GRXCR1: variants seen among roughly 807,000 people sequenced by gnomAD.
The protein encoded by GRXCR1 is glutaredoxin domain-containing cysteine-rich protein 1.
A neutral mutation model predicts 27.3 loss-of-function variants in GRXCR1; 27 were observed. The observed-to-expected ratio is 0.99, with a 90% CI of 0.73 to 1.37. The LOEUF is 1.37. Ranked by LOEUF, GRXCR1 falls within the 40% of genes most tolerant of loss-of-function variation. GRXCR1 has a pLI of 0.00. For missense variants in GRXCR1, 379 were observed against 354.4 expected (o/e 1.07, Z -0.56); for synonymous variants, 122 against 131.1 (o/e 0.93, Z 0.47).
intron 3 of GRXCR1, among the ~76,000 whole-genome samples, chr4:43,026,045 G>T (rs1713249750): frequency 7.6e-6 from 1 of 131,922 alleles, no homozygotes; most frequent in South Asian, 2.2e-4. Context: ...AGCCTGTTTT[G>T]TTACTAGTTG....
At chr4:42,932,603 TATATATATATATATATAGAG>T (rs1213858034) in intron 1 of GRXCR1, among the ~76,000 whole-genome samples, 130 of 59,256 alleles carry the variant, frequency 2.2e-3, no homozygotes, top group Middle Eastern at 0.01. Flanking sequence ...TATATATATA[TATATATATATATATATAGAG>T]AGAGAGAGAG....
chr4:42,966,169 T>C (rs1371271726), intron 2 of GRXCR1, among the ~76,000 whole-genome samples: 1 of 149,246 alleles, frequency 6.7e-6, no homozygotes, highest in African/African-American at 2.6e-5. Flanking sequence ...GCATCAGAAA[T>C]TTTTTTTTAC....
intron 1 of GRXCR1, among the ~76,000 whole-genome samples, chr4:42,925,962 A>G (rs1017694817): frequency 6.6e-6 from 1 of 152,036 alleles, no homozygotes; most frequent in Non-Finnish European, 1.5e-5. Flanking sequence ...TTAATGACTT[A>G]TTAAATACTG....
chr4:42,977,125 T>C lies in GRXCR1; in HGVS notation c.627+13991T>C, dbSNP rs182033908. ...ACATAATGTTCTCCAGATTCATCCA[T>C]GTTGTAACAGATGAGAAGATTTTCT... On this transcript the variant is annotated intron_variant, in intron 2 of 3. Coordinates refer to ENST00000399770, the MANE Select transcript of GRXCR1 (RefSeq NM_001080476.3). Among the ~76,000 whole-genome samples, 34 of 152,192 alleles carry C rather than the reference T, an allele frequency of 2.2e-4. 1 individual carries two copies. The East Asian group carries it at 6.0e-3, about 27-fold the overall frequency.
intron 2 of GRXCR1, among the ~76,000 whole-genome samples, chr4:42,996,757 T>C (rs977088723): frequency 5.3e-5 from 8 of 152,034 alleles, no homozygotes; most frequent in African/African-American, 1.9e-4. Flanking sequence ...ATTCCATCTA[T>C]AAAGGAAGAT....
intron 1 of GRXCR1, among the ~76,000 whole-genome samples, chr4:42,952,604 GAT>G (rs1747911033): frequency 6.6e-6 from 1 of 152,092 alleles, no homozygotes; most frequent in South Asian, 2.1e-4. Flanking sequence ...TGCTTTCTGA[GAT>G]ATACCCTATA....
chr4:42,961,698 A>G (rs1436112304), intron 1 of GRXCR1, among the ~76,000 whole-genome samples: 1 of 151,960 alleles, frequency 6.6e-6, no homozygotes, highest in African/African-American at 2.4e-5. Flanking sequence ...ATTACATTTT[A>G]TCATCAGAAA....
Position 42,935,944 on chromosome 4 carries a change from T to C in GRXCR1, c.385-26948T>C, listed in dbSNP as rs530474476. Reference sequence around the variant, plus strand: ...AACACTGCTTTTTAAAAGGGGGGAATGTAATATTTCATTAAAGAACTCCCA... The same window carrying C: ...AACACTGCTTTTTAAAAGGGGGGAACGTAATATTTCATTAAAGAACTCCCA... On this transcript the variant is annotated intron_variant, in intron 1 of 3. Coordinates refer to ENST00000399770, the MANE Select transcript of GRXCR1 (RefSeq NM_001080476.3). Among the ~76,000 whole-genome samples the C allele has an allele frequency of 4.6e-5, 7 of 151,888 alleles. No homozygotes were observed. The East Asian group carries it at 1.2e-3, about 25-fold the overall frequency.
At chr4:42,993,456 A>T (rs1712039117) in intron 2 of GRXCR1, among the ~76,000 whole-genome samples, 1 of 152,090 alleles carries the variant, frequency 6.6e-6, no homozygotes, top group Non-Finnish European at 1.5e-5. Context: ...GAATGGGGTT[A>T]TGTCTCGGTA....
At chr4:43,024,822 A>T (rs2109809515) in intron 3 of GRXCR1, among the ~76,000 whole-genome samples, 1 of 152,312 alleles carries the variant, frequency 6.6e-6, no homozygotes, top group East Asian at 1.9e-4. Context: ...GACCAAGATG[A>T]ATCATCCAGA....
At chr4:42,975,079 A>G (rs1365325219) in intron 2 of GRXCR1, among the ~76,000 whole-genome samples, 1 of 152,150 alleles carries the variant, frequency 6.6e-6, no homozygotes, top group Non-Finnish European at 1.5e-5. Flanking sequence ...CAAGGGACTT[A>G]GAGCCAAAAG....
At chr4:42,953,003 T>C (rs1017809771) in intron 1 of GRXCR1, among the ~76,000 whole-genome samples, 3 of 152,282 alleles carry the variant, frequency 2.0e-5, no homozygotes, top group South Asian at 2.1e-4. Flanking sequence ...ACATGTTCTT[T>C]TTATTGTAAA....
rs10000073 is a variant in GRXCR1 at position 43,020,205 on chromosome 4, T to C, written c.628-149T>C. The C allele has an allele frequency of 0.026, 17,502 of 674,966 alleles. 1,641 individuals carry two copies. Among genetic ancestry groups the C allele is most frequent in the African/African-American group, 0.23 (13,026 of 55,598 alleles). The allele number at this position is 674,966 out of a possible 1,614,324, so 41.8% of individuals were successfully genotyped here. ...GTGGCAGTAAGGAAAAATGTCTTCT[T>C]CTCTTTGGCATCCTAGTTGTACATT... On this transcript the variant is annotated intron_variant, in intron 2 of 3. Coordinates refer to ENST00000399770, the MANE Select transcript of GRXCR1 (RefSeq NM_001080476.3).
chr4:42,944,534 A>G (rs959176501), intron 1 of GRXCR1, among the ~76,000 whole-genome samples: 1 of 152,058 alleles, frequency 6.6e-6, no homozygotes, highest in African/African-American at 2.4e-5. Flanking sequence ...ATTTTCTTTG[A>G]TCCTCATAAG....
At chr4:43,024,740 G>A (rs1713201277) in intron 3 of GRXCR1, among the ~76,000 whole-genome samples, 1 of 152,188 alleles carries the variant, frequency 6.6e-6, no homozygotes, top group African/African-American at 2.4e-5. Flanking sequence ...TGGTCAGGCA[G>A]AGGGGTGTTT....
In GRXCR1 at chr4:42,995,330, A is replaced by G. The variant is rs562665140; in HGVS notation, c.628-25024A>G. On this transcript the variant is annotated intron_variant, in intron 2 of 3. Transcript: ENST00000399770. ...CATTTTGGTATTCCTGCTTTGGAAA[A>G]TTTGCCATGCACCTTTTACTATAAA... Among the ~76,000 whole-genome samples, 378 of 152,284 alleles carry G rather than the reference A, an allele frequency of 2.5e-3. 1 individual carries two copies. The highest frequency in any genetic ancestry group is 8.7e-3 in the African/African-American group (362 of 41,568).
chr4:42,952,876 A>G (rs1421443729), intron 1 of GRXCR1, among the ~76,000 whole-genome samples: 2 of 152,184 alleles, frequency 1.3e-5, no homozygotes, highest in African/African-American at 4.8e-5. Context: ...AAATTCAGAC[A>G]TAATTTGACC....
chr4:42,913,977 T>A (rs551126764), intron 1 of GRXCR1, among the ~76,000 whole-genome samples: 1 of 152,274 alleles, frequency 6.6e-6, no homozygotes, highest in Admixed American at 6.5e-5. Context: ...CATCAAGAAT[T>A]GAGGTTTGGG....
intron 2 of GRXCR1, among the ~76,000 whole-genome samples, chr4:42,993,378 C>A (rs1482381103): frequency 6.6e-6 from 1 of 151,976 alleles, no homozygotes; most frequent in Admixed American, 6.6e-5. Context: ...AGAATTTTCG[C>A]TTTAGCCTCT....
Sources: gnomAD v4.1 joint callset for allele counts (sites outside exome capture counted in the v4.1 genomes callset) on GRCh38, gnomAD v4.1.1 for gene constraint, MANE v1.5 for transcripts, NCBI Gene and HGNC (gene_info 2026-07-23, HGNC 2026-07-21) for gene names.